Variants in UXS1 observed in about 807,000 individuals in gnomAD.
The protein encoded by UXS1 is UDP-glucuronate decarboxylase 1, also known as UDP-glucuronic acid decarboxylase 1.
In UXS1, 33 loss-of-function variants were observed where a neutral mutation model predicts 62.6. The ratio of observed to expected loss-of-function variants is 0.53; its 90% confidence interval spans 0.40 to 0.70. The LOEUF is 0.70. UXS1 is among the 30% of genes least tolerant of loss of function. The probability of loss-of-function intolerance (pLI) is 0.00; values close to 1 mark genes in which losing one functional copy is unlikely to be tolerated. For synonymous variants in UXS1, 213 were observed against 206.8 expected, an observed-to-expected ratio of 1.03 and a Z score of -0.26; for missense variants, 434 against 556.3, an observed-to-expected ratio of 0.78 and a Z score of 2.21.
intron 5 of UXS1, among the ~76,000 whole-genome samples, chr2:106,157,306 A>G (rs1430916904): frequency 6.6e-6 from 1 of 152,190 alleles, no homozygotes; most frequent in Non-Finnish European, 1.5e-5. Flanking sequence ...ATCTTTTTGG[A>G]CATAATTTGT....
chr2:106,147,371 C>T (rs1681662141), intron 5 of UXS1, among the ~76,000 whole-genome samples: 1 of 152,198 alleles, frequency 6.6e-6, no homozygotes, highest in African/African-American at 2.4e-5. Flanking sequence ...AAGTCACATC[C>T]CTCCAAGTCA....
intron 5 of UXS1, among the ~76,000 whole-genome samples, chr2:106,150,910 G>A (rs561823720): frequency 3.4e-4 from 52 of 152,294 alleles, no homozygotes; most frequent in African/African-American, 1.2e-3. Flanking sequence ...CCACCCCAGC[G>A]TACCCAGGAC....
At chr2:106,178,769 G>A (rs972481983) in intron 1 of UXS1, among the ~76,000 whole-genome samples, 4 of 18,496 alleles carry the variant, frequency 2.2e-4, no homozygotes, top group East Asian at 2.2e-3. Context: ...CCTTTCCCCC[G>A]CCCTATGTCT....
chr2:106,128,208 A>G (rs1680124370), intron 7 of UXS1, among the ~76,000 whole-genome samples: 1 of 152,172 alleles, frequency 6.6e-6, no homozygotes, highest in African/African-American at 2.4e-5. Context: ...TGGCAAGAAG[A>G]GGGCATCACG....
chr2:106,166,316 A>G, intron 1 of UXS1: 1 of 450,952 alleles, frequency 2.2e-6, no homozygotes. Context: ...ACCCAGGAAC[A>G]TCAATTCAAG....
intron 1 of UXS1, among the ~76,000 whole-genome samples, chr2:106,171,024 A>C (rs1177057102): frequency 6.6e-6 from 1 of 152,254 alleles, no homozygotes; most frequent in African/African-American, 2.4e-5. Flanking sequence ...AGTTATTGAC[A>C]AAGGGCTTAT....
At position 106,194,185 on chromosome 2, in the gene UXS1, C is replaced by T. The variant is rs1158258629; in HGVS notation, c.57G>A (p.Lys19=). The change falls in exon 1 of 15, where the codon AAG becomes AAA. Residue 19 remains lysine (K), a synonymous_variant. Transcript: ENST00000283148. ...CCAGCAAGGCGATGCCCAGCAGCAGCTTCATCCTCCTGCGGTTGACGGCAG... is the reference window on the plus strand; with the variant it reads ...CCAGCAAGGCGATGCCCAGCAGCAGTTTCATCCTCCTGCGGTTGACGGCAG... ...LVSAVNRRRM[K]LLLGIALLAY... The T allele has an allele frequency of 1.3e-6, 2 of 1,482,082 alleles. No individual in the cohort carries two copies. Among genetic ancestry groups the T allele is most frequent in the Admixed American group, 4.5e-5 (2 of 43,986 alleles). The allele number at this position is 1,482,082 out of a possible 1,614,324, so 91.8% of individuals were successfully genotyped here.
At chr2:106,112,811 C>A in intron 9 of UXS1, 46 bp from the exon 10 acceptor site, 3 of 1,583,314 alleles carry the variant, frequency 1.9e-6, no homozygotes, top group South Asian at 2.3e-5. Context: ...CCTGTGTGGT[C>A]CACGCATCCA....
At chr2:106,150,313 C>G (rs1681907882) in intron 5 of UXS1, among the ~76,000 whole-genome samples, 1 of 152,170 alleles carries the variant, frequency 6.6e-6, no homozygotes, top group South Asian at 2.1e-4. Context: ...ACAATTGACC[C>G]TTTGATACAC....
chr2:106,179,225 GA>G, intron 1 of UXS1, among the ~76,000 whole-genome samples: 1 of 152,092 alleles, frequency 6.6e-6, no homozygotes, highest in Non-Finnish European at 1.5e-5. Context: ...CCTTTGTGAT[GA>G]AGCCTCCATG....
chr2:106,123,967 G>A, intron 8 of UXS1, among the ~76,000 whole-genome samples: 1 of 152,250 alleles, frequency 6.6e-6, no homozygotes, highest in East Asian at 1.9e-4. Context: ...GAGGTAAACA[G>A]ACAGGTATCC....
intron 14 of UXS1, among the ~76,000 whole-genome samples, chr2:106,096,465 G>A (rs984410619): frequency 1.3e-5 from 2 of 152,180 alleles, no homozygotes; most frequent in Non-Finnish European, 2.9e-5. Flanking sequence ...GTAAGAATGT[G>A]TGTGTGCATG....
intron 1 of UXS1, among the ~76,000 whole-genome samples, chr2:106,186,112 C>T (rs1684531330): frequency 6.6e-6 from 1 of 152,194 alleles, no homozygotes; most frequent in African/African-American, 2.4e-5. Flanking sequence ...TCACTAACTG[C>T]AATCCCCAAC....
chr2:106,123,000 T>C lies in UXS1; in HGVS notation c.729A>G (p.Ala243=), dbSNP rs1040325268. ...TCATGTAGGCATAGCACATGGTCTCTGCAACACGTTTGCCTTCATCGTAGC... is the reference window on the plus strand; with the variant it reads ...TCATGTAGGCATAGCACATGGTCTCCGCAACACGTTTGCCTTCATCGTAGC... The part of the protein sequence containing the change: ...RACYDEGKRV[A]ETMCYAYMKQ... The change falls in exon 9 of 15, where the codon GCA becomes GCG. Residue 243 remains alanine, a synonymous_variant. Coordinates refer to ENST00000283148, the MANE Select transcript of UXS1 (RefSeq NM_001253875.2). 1 of 1,613,950 alleles carries C rather than the reference T, an allele frequency of 6.2e-7. No homozygotes were observed. The highest frequency in any genetic ancestry group is 2.2e-5 in the East Asian group (1 of 44,872).
intron 6 of UXS1, among the ~76,000 whole-genome samples, chr2:106,143,408 C>CAAAAGAAAAAAAAAA (rs1681296237): frequency 2.6e-5 from 1 of 38,634 alleles, no homozygotes; most frequent in Non-Finnish European, 4.4e-5. Flanking sequence ...GACTCCGTCT[C>CAAAAGAAAAAAAAAA]AAAAAAAAAA....
rs1676857926 is a variant in UXS1 at position 106,093,888 on chromosome 2, A to C, written c.*138T>G. The C allele has an allele frequency of 8.1e-7, 1 of 1,237,636 alleles. No individual in the cohort carries two copies. The highest frequency in any genetic ancestry group is 1.1e-6 in the Non-Finnish European group (1 of 936,496). The allele number at this position is 1,237,636 out of a possible 1,614,324, so 76.7% of individuals were successfully genotyped here. On this transcript the variant is annotated 3_prime_UTR_variant, in exon 15 of 15. Coordinates refer to ENST00000283148, the MANE Select transcript of UXS1 (RefSeq NM_001253875.2). ...GCTTTTAGGCACATCCATTTCATTA[A>C]AGCAAGCTTCAGAATGAAATTCCAG...
chr2:106,167,869 T>C (rs976644488), intron 1 of UXS1, among the ~76,000 whole-genome samples: 3 of 152,120 alleles, frequency 2.0e-5, no homozygotes, highest in Non-Finnish European at 1.5e-5. Flanking sequence ...CACCATAAGA[T>C]ACAGGTCATG....
intron 6 of UXS1, among the ~76,000 whole-genome samples, chr2:106,144,472 A>G (rs1681394165): frequency 6.6e-6 from 1 of 152,248 alleles, no homozygotes; most frequent in African/African-American, 2.4e-5. Context: ...CCTTTGTGGG[A>G]AAAATGCTAA....
intron 1 of UXS1, 124 bp downstream of exon 1, chr2:106,194,024 G>C: frequency 9.8e-5 from 56 of 569,950 alleles, no homozygotes; most frequent in African/African-American, 8.1e-5. Context: ...CGCCGGCCCC[G>C]CCCGGGGCGG....
Sources: allele counts gnomAD v4.1 joint callset (sites outside exome capture counted in the v4.1 genomes callset), GRCh38; gene constraint gnomAD v4.1.1; transcripts MANE v1.5; gene names NCBI Gene and HGNC (gene_info 2026-07-23, HGNC 2026-07-21).